The following NBPF11 variants were observed in gnomAD, a reference collection of about 807,000 sequenced individuals.
The protein encoded by NBPF11 is NBPF member 11, also known as NBPF family member NBPF11.
Under a neutral mutation model 93.9 loss-of-function variants are expected in NBPF11, and 72 were observed. That is an observed-to-expected ratio of 0.77 (90% CI 0.63 to 0.93). NBPF11 has a LOEUF of 0.93. NBPF11 is among the 40% of genes least tolerant of loss of function. The pLI is 0.00. For missense variants in NBPF11, 705 were observed against 802.2 expected, an observed-to-expected ratio of 0.88 and a Z score of 1.46; for synonymous variants, 224 against 304.9, an observed-to-expected ratio of 0.73 and a Z score of 2.76.
chr1:148,110,038 G>T (rs1232996301), intron 16 of NBPF11, among the ~76,000 whole-genome samples: 1 of 150,548 alleles, frequency 6.6e-6, no homozygotes, highest in Non-Finnish European at 1.5e-5. Context: ...GCTGGCAAGA[G>T]ACATTTAATT....
chr1:148,119,889 C>T (rs1350084891), intron 10 of NBPF11, among the ~76,000 whole-genome samples: 2 of 152,090 alleles, frequency 1.3e-5, no homozygotes, highest in Non-Finnish European at 2.9e-5. Context: ...CTCCTGACCT[C>T]GTGCTCTACC....
chr1:148,139,302 G>A (rs79182892), intron 2 of NBPF11, among the ~76,000 whole-genome samples: 8,360 of 125,852 alleles, frequency 0.066, 689 homozygotes, highest in African/African-American at 0.13. Context: ...ATGTTCCCCC[G>A]AAAACCATCC....
In NBPF11 at chr1:148,122,035, A is replaced by G. The variant is rs2149235420; in HGVS notation, c.778+20T>C. 1.9e-6 allele frequency: 3 copies of G among 1,548,402 alleles called. No homozygotes were observed. Among genetic ancestry groups the G allele is most frequent in the Middle Eastern group, 1.7e-4 (1 of 5,860 alleles). On this transcript the variant is annotated intron_variant, in intron 9 of 23. Coordinates refer to ENST00000682118, the MANE Select transcript of NBPF11 (RefSeq NM_001385469.3). ...CATAGCCTAGACAGAGGTATGAGAC[A>G]CAAGGAAAATAGAGGCTACCTGGGA...
At position 148,116,503 on chromosome 1, in the gene NBPF11, C is replaced by T. The variant is rs1292637593; in HGVS notation, c.1339G>A (p.Val447Ile). The T allele has an allele frequency of 2.7e-6, 2 of 745,812 alleles. No homozygotes were observed. The highest frequency in any genetic ancestry group is 2.4e-5 in the East Asian group (1 of 40,898). The allele number at this position is 745,812 out of a possible 1,614,324, so 46.2% of individuals were successfully genotyped here. ...TTCTGCACTTTCTCAGCCACCTCAACTTGAACATCTTCATCGTCATCGTTA... is the reference window on the plus strand; with the variant it reads ...TTCTGCACTTTCTCAGCCACCTCAATTTGAACATCTTCATCGTCATCGTTA... ...NDNDDDEDVQ[V>I]EVAEKVQKSS... is the part of the protein sequence containing the mutation. The change falls in exon 13 of 24, where the codon GTT (valine) becomes ATT (isoleucine). Residue 447 changes from valine to isoleucine, a missense_variant. Val to Ile is a conservative substitution (Grantham distance 29). Transcript: ENST00000682118.
chr1:148,106,793 C>T, intron 20 of NBPF11, 149 bp downstream of exon 20: 2 of 693,036 alleles, frequency 2.9e-6, no homozygotes, highest in Non-Finnish European at 5.2e-6. Flanking sequence ...CCAGCTGAGA[C>T]TACAGTTTCA....
chr1:148,114,697 C>T (rs1371896819), intron 14 of NBPF11, among the ~76,000 whole-genome samples: 5 of 128,034 alleles, frequency 3.9e-5, no homozygotes, highest in African/African-American at 9.2e-5. Context: ...TCTCCCTCTA[C>T]GTGTAGACCA....
chr1:148,106,393 T>A (rs1465896908), intron 20 of NBPF11, among the ~76,000 whole-genome samples, 161 bp from the exon 21 acceptor site: 1 of 149,386 alleles, frequency 6.7e-6, no homozygotes, highest in African/African-American at 2.5e-5. Flanking sequence ...GTCATGATAT[T>A]CTTTGGTTTG....
chr1:148,119,729 C>T (rs1413776739), intron 10 of NBPF11, among the ~76,000 whole-genome samples: 17 of 151,944 alleles, frequency 1.1e-4, no homozygotes, highest in Admixed American at 3.3e-4. Flanking sequence ...AATCTTGGCT[C>T]ACTGCAACCT....
chr1:148,146,124 G>T (rs1672973844), intron 1 of NBPF11, among the ~76,000 whole-genome samples: 1 of 151,796 alleles, frequency 6.6e-6, no homozygotes, highest in East Asian at 1.9e-4. Flanking sequence ...GCCATGGAGC[G>T]CGGCCCTGGG....
At chr1:148,149,652 G>A (rs1647777220) in intron 1 of NBPF11, 1 of 1,281,900 alleles carries the variant, frequency 7.8e-7, no homozygotes, top group Admixed American at 2.3e-5. Flanking sequence ...GCTGCATGTG[G>A]ACCCCCCCGG....
At chr1:148,120,463 G>A (rs1353455749) in intron 10 of NBPF11, 38 bp downstream of exon 10, 90 of 873,832 alleles carry the variant, frequency 1.0e-4, no homozygotes, top group East Asian at 3.8e-4. Context: ...ACAGGACTTC[G>A]TTCATCACTT....
intron 4 of NBPF11, among the ~76,000 whole-genome samples, chr1:148,127,864 G>C: frequency 6.6e-6 from 1 of 151,110 alleles, no homozygotes; most frequent in South Asian, 2.1e-4. Flanking sequence ...CACTGTGTTA[G>C]CCAGGATGGT....
At chr1:148,146,168 G>A (rs1292110562) in intron 1 of NBPF11, among the ~76,000 whole-genome samples, 3 of 151,784 alleles carry the variant, frequency 2.0e-5, no homozygotes, top group South Asian at 2.1e-4. Flanking sequence ...GGCTTCCCAC[G>A]GCACGACATG....
intron 14 of NBPF11, among the ~76,000 whole-genome samples, chr1:148,115,436 G>C (rs1475627648): frequency 0.56 from 83,387 of 148,008 alleles, 24,918 homozygotes; most frequent in African/African-American, 0.74. Flanking sequence ...AGGCTGCCAG[G>C]TTCCTTAAAC....
chr1:148,115,622 G>C (rs1365237386), intron 14 of NBPF11, among the ~76,000 whole-genome samples, 171 bp downstream of exon 14: 1 of 151,750 alleles, frequency 6.6e-6, no homozygotes, highest in Non-Finnish European at 1.5e-5. Context: ...CTGGGGACTG[G>C]CAAACAAAGG....
At position 148,103,847 on chromosome 1, in the gene NBPF11, T is replaced by A; in HGVS notation, c.*49A>T. 2 of 1,611,394 alleles carry A rather than the reference T, an allele frequency of 1.2e-6. No individual in the cohort carries two copies. The highest frequency in any genetic ancestry group is 1.7e-6 in the Non-Finnish European group (2 of 1,179,396). On this transcript the variant is annotated 3_prime_UTR_variant, in exon 24 of 24. Transcript: ENST00000682118. ...TTCAAAGTACATTGATGGAGTCGAATAATATCTATCCAGTGAGTCCTGTAA... is the reference window on the plus strand; with the variant it reads ...TTCAAAGTACATTGATGGAGTCGAAAAATATCTATCCAGTGAGTCCTGTAA...
intron 19 of NBPF11, among the ~76,000 whole-genome samples, 175 bp downstream of exon 19, chr1:148,107,536 G>A (rs1240676129): frequency 6.6e-6 from 1 of 152,304 alleles, no homozygotes; most frequent in Non-Finnish European, 1.5e-5. Context: ...TAAATGACAA[G>A]GGGAGGAAGA....
intron 4 of NBPF11, among the ~76,000 whole-genome samples, chr1:148,129,199 AAT>A (rs1227566241): frequency 7.1e-6 from 1 of 140,972 alleles, no homozygotes; most frequent in African/African-American, 2.6e-5. Context: ...GTATATATAA[AAT>A]ATATATACAC....
chr1:148,150,894 A>T (rs1389524797), intron 1 of NBPF11, among the ~76,000 whole-genome samples: 1 of 151,604 alleles, frequency 6.6e-6, no homozygotes, highest in Non-Finnish European at 1.5e-5. Flanking sequence ...TGCCCGGCTA[A>T]TTTTTTGTAT....
Sources: gnomAD v4.1 joint callset for allele counts (sites outside exome capture counted in the v4.1 genomes callset) on GRCh38, gnomAD v4.1.1 for gene constraint, MANE v1.5 for transcripts, NCBI Gene and HGNC (gene_info 2026-07-23, HGNC 2026-07-21) for gene names.